Variants in MBTPS1 observed in about 807,000 individuals in gnomAD.
The protein encoded by MBTPS1 is membrane bound transcription factor peptidase, site 1.
MBTPS1 carries 94 observed loss-of-function variants against 127.8 expected under a neutral mutation model. The ratio of observed to expected loss-of-function variants is 0.74; its 90% confidence interval spans 0.62 to 0.87. MBTPS1 has a LOEUF of 0.87. MBTPS1 is among the 40% of genes least tolerant of loss of function. The pLI is 0.00. For missense variants in MBTPS1, 1,636 were observed against 1,353.2 expected (o/e 1.21, Z -3.28); for synonymous variants, 632 against 509.4 (o/e 1.24, Z -3.24).
chr16:84,112,988 A>AT (rs2086420430), intron 1 of MBTPS1, among the ~76,000 whole-genome samples: 1 of 151,882 alleles, frequency 6.6e-6, no homozygotes, highest in African/African-American at 2.4e-5. Flanking sequence ...AAAAAAAAAA[A>AT]AAAAAAGAAT....
intron 12 of MBTPS1, among the ~76,000 whole-genome samples, chr16:84,073,931 G>C (rs1279183735): frequency 6.6e-6 from 1 of 152,108 alleles, no homozygotes; most frequent in African/African-American, 2.4e-5. Flanking sequence ...GCTTGAACCT[G>C]GGAGGCGGAG....
chr16:84,063,192 C>A (rs2085638455), intron 19 of MBTPS1, 113 bp downstream of exon 19: 2 of 1,137,486 alleles, frequency 1.8e-6, no homozygotes, highest in South Asian at 3.0e-5. Flanking sequence ...GAGCCTGGCT[C>A]AAGTGAACAG....
intron 1 of MBTPS1, among the ~76,000 whole-genome samples, chr16:84,113,300 T>C (rs962311483): frequency 9.8e-5 from 15 of 152,356 alleles, no homozygotes; most frequent in African/African-American, 3.6e-4. Context: ...AAATTCTTTA[T>C]GCAGAAGACC....
chr16:84,091,912 T>A (rs1378744831), intron 6 of MBTPS1, 64 bp from the exon 7 acceptor site: 1 of 936,032 alleles, frequency 1.1e-6, no homozygotes, highest in Non-Finnish European at 1.7e-6. Flanking sequence ...TAGGACAGTT[T>A]TTATTTCTAA....
chr16:84,097,172 C>T (rs893936586), intron 3 of MBTPS1, among the ~76,000 whole-genome samples: 2 of 152,084 alleles, frequency 1.3e-5, no homozygotes, highest in Admixed American at 1.3e-4. Context: ...GTCTTATGGC[C>T]CATGGGATAG....
chr16:84,111,765 G>T (rs1371064832), intron 1 of MBTPS1, among the ~76,000 whole-genome samples: 3 of 152,156 alleles, frequency 2.0e-5, no homozygotes, highest in Non-Finnish European at 2.9e-5. Context: ...GTAAATTCAT[G>T]TTGTTCTAGG....
intron 19 of MBTPS1, chr16:84,061,454 T>A (rs1437042749): frequency 1.3e-5 from 2 of 152,116 alleles, no homozygotes; most frequent in Non-Finnish European, 2.9e-5. Context: ...AGTGAGACCA[T>A]GTGACACCCA....
At chr16:84,098,905 TA>T (rs2086215741) in intron 3 of MBTPS1, 147 bp downstream of exon 3, 3 of 834,536 alleles carry the variant, frequency 3.6e-6, no homozygotes, top group African/African-American at 1.7e-5. Context: ...AAAACTAAAC[TA>T]AAAAATTCCT....
chr16:84,106,656 G>C (rs1410427949), intron 1 of MBTPS1, among the ~76,000 whole-genome samples: 1 of 152,214 alleles, frequency 6.6e-6, no homozygotes, highest in African/African-American at 2.4e-5. Flanking sequence ...GATTCTGACT[G>C]GGAAGAGAAA....
intron 21 of MBTPS1, among the ~76,000 whole-genome samples, chr16:84,058,648 C>T (rs1478217289): frequency 1.3e-5 from 2 of 152,198 alleles, no homozygotes. Flanking sequence ...AGGGGACCAG[C>T]CATGCCGAGC....
At position 84,070,574 on chromosome 16, in the gene MBTPS1, C is replaced by G. The variant is rs771507668; in HGVS notation, c.1782+14G>C. On this transcript the variant is annotated intron_variant, in intron 13 of 22. Transcript: ENST00000343411. Reference sequence around the variant, plus strand: ...ACAGCTAAGAAAACAAGCCACTTTCCCGCATATCCCTACCTCTGTCTCTGC... The same window carrying G: ...ACAGCTAAGAAAACAAGCCACTTTCGCGCATATCCCTACCTCTGTCTCTGC... 1 of 1,608,768 alleles carries G rather than the reference C, an allele frequency of 6.2e-7. No homozygotes were observed. The highest frequency in any genetic ancestry group is 1.1e-5 in the South Asian group (1 of 90,604).
chr16:84,091,683 A>G, intron 7 of MBTPS1, 49 bp downstream of exon 7: 7 of 1,323,530 alleles, frequency 5.3e-6, no homozygotes, highest in East Asian at 2.3e-5. Context: ...TTGGGCTGCG[A>G]AAGAGCAGGA....
At chr16:84,083,297 A>G (rs2085969049) in intron 10 of MBTPS1, among the ~76,000 whole-genome samples, 1 of 152,238 alleles carries the variant, frequency 6.6e-6, no homozygotes, top group Non-Finnish European at 1.5e-5. Context: ...ACTTGATATA[A>G]CACTGGAGAG....
At chr16:84,099,587 C>T (rs111810441) in intron 2 of MBTPS1, among the ~76,000 whole-genome samples, 1 of 151,990 alleles carries the variant, frequency 6.6e-6, no homozygotes, top group Non-Finnish European at 1.5e-5. Context: ...AGTTTGAGAC[C>T]AGCCTGGCCA....
chr16:84,091,050 C>G (rs910192207), intron 7 of MBTPS1, 108 bp from the exon 8 acceptor site: 6 of 838,498 alleles, frequency 7.2e-6, no homozygotes, highest in Non-Finnish European at 1.2e-5. Flanking sequence ...TCTAAAAAAG[C>G]AGCACTGGCC....
intron 1 of MBTPS1, chr16:84,110,937 T>C (rs1201256901): frequency 6.6e-6 from 1 of 152,222 alleles, no homozygotes; most frequent in African/African-American, 2.4e-5. Flanking sequence ...TGAATGTGCA[T>C]AAACAAGGAG....
chr16:84,060,557 C>T (rs1016167050), intron 20 of MBTPS1, 125 bp downstream of exon 20: 11 of 1,137,714 alleles, frequency 9.7e-6, no homozygotes, highest in Middle Eastern at 2.9e-4. Flanking sequence ...GCAGCCATTA[C>T]GAAAACCACT....
intron 12 of MBTPS1, 40 bp from the exon 13 acceptor site, chr16:84,070,816 G>C (rs1402199083): frequency 2.6e-6 from 4 of 1,523,970 alleles, no homozygotes; most frequent in Middle Eastern, 1.8e-4. Flanking sequence ...AAAGTGAAAA[G>C]CTCCAGGAGA....
intron 1 of MBTPS1, among the ~76,000 whole-genome samples, chr16:84,115,074 G>A (rs1321757719): frequency 2.0e-5 from 3 of 151,880 alleles, no homozygotes; most frequent in Non-Finnish European, 2.9e-5. Context: ...GATTACAGGC[G>A]CCTGCCATTG....
Sources: allele counts gnomAD v4.1 joint callset (sites outside exome capture counted in the v4.1 genomes callset), GRCh38; gene constraint gnomAD v4.1.1; transcripts MANE v1.5; gene names NCBI Gene and HGNC (gene_info 2026-07-23, HGNC 2026-07-21).